Variants in SUGCT observed in about 807,000 individuals in gnomAD.
SUGCT encodes succinyl-CoA:glutarate-CoA transferase.
In SUGCT, 41 loss-of-function variants were observed where a neutral mutation model predicts 55.0. That is an observed-to-expected ratio of 0.74 (90% CI 0.58 to 0.97). The LOEUF is 0.97. Ranked by LOEUF, SUGCT falls within the 50% of genes least tolerant of loss-of-function variation. SUGCT has a pLI of 0.00. For missense variants in SUGCT, 568 were observed against 547.8 expected (o/e 1.04, Z -0.37); for synonymous variants, 187 against 200.4 (o/e 0.93, Z 0.56).
At chr7:40,744,107 T>A (rs1242030412) in intron 12 of SUGCT, among the ~76,000 whole-genome samples, 1 of 151,078 alleles carries the variant, frequency 6.6e-6, no homozygotes, top group Non-Finnish European at 1.5e-5. Context: ...TTTTTTTTTT[T>A]AGTAGACGCG....
chr7:40,696,614 C>T lies in SUGCT; in HGVS notation c.1090-52820C>T, dbSNP rs114374202. ...ACTCCAAGTTTCAGCCTCTTCCATCCGAAGCAGTTGAGCCACTAGGAATGT... is the reference window on the plus strand; with the variant it reads ...ACTCCAAGTTTCAGCCTCTTCCATCTGAAGCAGTTGAGCCACTAGGAATGT... On this transcript the variant is annotated intron_variant, in intron 12 of 13. Transcript: ENST00000335693. Among the ~76,000 whole-genome samples, 312 of 152,256 alleles carry T rather than the reference C, an allele frequency of 2.0e-3. 1 individual carries two copies. The highest frequency in any genetic ancestry group is 7.0e-3 in the African/African-American group (291 of 41,556).
chr7:40,516,476 A>G (rs1028773720), intron 12 of SUGCT, among the ~76,000 whole-genome samples: 8 of 152,138 alleles, frequency 5.3e-5, no homozygotes, highest in Non-Finnish European at 1.0e-4. Context: ...TGGTTTTACC[A>G]TTTACAGTCA....
chr7:40,218,543 A>G (rs1347152536), intron 6 of SUGCT, among the ~76,000 whole-genome samples: 1 of 152,214 alleles, frequency 6.6e-6, no homozygotes, highest in Non-Finnish European at 1.5e-5. Context: ...AAATGCACCA[A>G]TCAGCGCTCT....
chr7:40,675,901 A>G (rs1490487074), intron 12 of SUGCT, among the ~76,000 whole-genome samples: 2 of 152,236 alleles, frequency 1.3e-5, no homozygotes, highest in Non-Finnish European at 2.9e-5. Context: ...GTGGAGAAAT[A>G]TGAACAAGTA....
intron 13 of SUGCT, among the ~76,000 whole-genome samples, chr7:40,837,685 G>A (rs117462113): frequency 0.029 from 4,471 of 152,136 alleles, 92 homozygotes; most frequent in Middle Eastern, 0.068. Context: ...CTGGTTGAGC[G>A]ATTGAACCCA....
intron 9 of SUGCT, among the ~76,000 whole-genome samples, chr7:40,400,013 C>A (rs1253928894): frequency 6.6e-6 from 1 of 152,024 alleles, no homozygotes; most frequent in African/African-American, 2.4e-5. Flanking sequence ...TGTGCCACTG[C>A]ACTCCAGTCT....
intron 9 of SUGCT, among the ~76,000 whole-genome samples, chr7:40,364,356 TA>T (rs1341066971): frequency 9.2e-5 from 14 of 152,050 alleles, no homozygotes; most frequent in African/African-American, 3.4e-4. Flanking sequence ...ATCCTGTCAT[TA>T]TGATGTTAGC....
chr7:41,038,639 A>G, the SUGCT span, among the ~76,000 whole-genome samples: 1 of 152,168 alleles, frequency 6.6e-6, no homozygotes, highest in African/African-American at 2.4e-5. Flanking sequence ...ACAGCTTTAG[A>G]AACCCAGTTT....
At chr7:40,825,883 C>T (rs1048838581) in intron 13 of SUGCT, among the ~76,000 whole-genome samples, 3 of 152,168 alleles carry the variant, frequency 2.0e-5, no homozygotes. Flanking sequence ...TACCTACATG[C>T]CCGTATTTAT....
chr7:40,161,011 A>G (rs1784117844), intron 1 of SUGCT, among the ~76,000 whole-genome samples: 1 of 152,190 alleles, frequency 6.6e-6, no homozygotes, highest in Admixed American at 6.6e-5. Context: ...AATTCATAAC[A>G]TGAATATGGC....
At chr7:40,531,806 G>A (rs1471920997) in intron 12 of SUGCT, among the ~76,000 whole-genome samples, 3 of 151,448 alleles carry the variant, frequency 2.0e-5, no homozygotes, top group African/African-American at 2.4e-5. Context: ...CCCGAGTAGC[G>A]GGGACTACAG....
At chr7:40,757,121 A>G (rs1400931947) in intron 13 of SUGCT, among the ~76,000 whole-genome samples, 1 of 152,136 alleles carries the variant, frequency 6.6e-6, no homozygotes, top group Non-Finnish European at 1.5e-5. Flanking sequence ...GGAAGTCCCT[A>G]TAACAATAAG....
the SUGCT span, among the ~76,000 whole-genome samples, chr7:40,995,185 AG>A: frequency 6.6e-6 from 1 of 152,108 alleles, no homozygotes; most frequent in East Asian, 1.9e-4. Context: ...AGAGATGACA[AG>A]GAAGTCAAAG....
chr7:40,259,940 G>C (rs368256503), intron 7 of SUGCT, among the ~76,000 whole-genome samples: 2 of 152,186 alleles, frequency 1.3e-5, no homozygotes, highest in African/African-American at 4.8e-5. Context: ...CACTATGTCA[G>C]TTCTGAGCTT....
chr7:40,557,759 T>A, intron 12 of SUGCT, among the ~76,000 whole-genome samples: 1 of 140,506 alleles, frequency 7.1e-6, no homozygotes. Flanking sequence ...GGTGACAGAG[T>A]GAGACTCTGT....
intron 1 of SUGCT, among the ~76,000 whole-genome samples, chr7:40,166,093 G>T (rs977660472): frequency 6.6e-6 from 1 of 152,228 alleles, no homozygotes; most frequent in Non-Finnish European, 1.5e-5. Flanking sequence ...CTGCACTCCA[G>T]CCTGGGTGAC....
intron 6 of SUGCT, among the ~76,000 whole-genome samples, chr7:40,233,160 A>G (rs1788817677): frequency 6.6e-6 from 1 of 152,014 alleles, no homozygotes; most frequent in Non-Finnish European, 1.5e-5. Flanking sequence ...AGTTACAAGT[A>G]TAAGGTGAAA....
At chr7:40,539,829 A>G (rs1250558432) in intron 12 of SUGCT, 1 of 152,232 alleles carries the variant, frequency 6.6e-6, no homozygotes, top group Non-Finnish European at 1.5e-5. Context: ...CTAACTAAAT[A>G]CCAGTAGTAA....
chr7:40,181,237 A>G (rs1356588001), intron 2 of SUGCT, among the ~76,000 whole-genome samples: 6 of 152,306 alleles, frequency 3.9e-5, no homozygotes, highest in African/African-American at 7.2e-5. Context: ...AACCATATTG[A>G]AATTAGTTTT....
Sources: allele counts gnomAD v4.1 joint callset (sites outside exome capture counted in the v4.1 genomes callset), GRCh38; gene constraint gnomAD v4.1.1; transcripts MANE v1.5; gene names NCBI Gene and HGNC (gene_info 2026-07-23, HGNC 2026-07-21).